PICALM: variants seen among roughly 807,000 people sequenced by gnomAD.
PICALM encodes phosphatidylinositol-binding clathrin assembly protein.
In PICALM, 40 loss-of-function variants were observed where a neutral mutation model predicts 80.5. The ratio of observed to expected loss-of-function variants is 0.50; its 90% CI spans 0.39 to 0.65. PICALM has a LOEUF of 0.65. Among genes scored for constraint, PICALM ranks in the 30% least tolerant of loss-of-function variants. The pLI, the probability that PICALM is intolerant of heterozygous loss-of-function variation, is 0.00. For missense variants in PICALM, 676 were observed against 778.9 expected (o/e 0.87, Z 1.57); for synonymous variants, 288 against 260.3 (o/e 1.11, Z -1.02).
At chr11:85,970,942 ACAAGTGTGAATAAAGAGGTTC>A (rs2094090149) in intron 19 of PICALM, among the ~76,000 whole-genome samples, 1 of 152,222 alleles carries the variant, frequency 6.6e-6, no homozygotes, top group African/African-American at 2.4e-5. Context: ...CTATTGCAAA[ACAAGTGTGAATAAAGAGGTTC>A]CAAGACTGGG....
chr11:86,037,705 A>G (rs1226405011), intron 1 of PICALM, among the ~76,000 whole-genome samples: 1 of 152,140 alleles, frequency 6.6e-6, no homozygotes, highest in Non-Finnish European at 1.5e-5. Context: ...TCTAAAAAAA[A>G]AAAGTTATGT....
At chr11:86,011,205 G>T in intron 6 of PICALM, 69 bp from the exon 7 acceptor site, 1 of 652,602 alleles carries the variant, frequency 1.5e-6, no homozygotes, top group Non-Finnish European at 2.7e-6. Flanking sequence ...GAAAAAAAAA[G>T]TAGGTAATAG....
At chr11:85,973,956 C>A (rs1830943532) in intron 19 of PICALM, among the ~76,000 whole-genome samples, 3 of 152,174 alleles carry the variant, frequency 2.0e-5, no homozygotes, top group Non-Finnish European at 2.9e-5. Context: ...CATCCTATCA[C>A]TTCACAAGAG....
At chr11:86,059,314 C>T (rs576387010) in intron 1 of PICALM, among the ~76,000 whole-genome samples, 3 of 152,244 alleles carry the variant, frequency 2.0e-5, no homozygotes, top group African/African-American at 7.2e-5. Context: ...GAAAACAATT[C>T]CTATTCTGTG....
chr11:86,056,698 G>A (rs1280877799), intron 1 of PICALM, among the ~76,000 whole-genome samples: 1 of 152,080 alleles, frequency 6.6e-6, no homozygotes, highest in Admixed American at 6.6e-5. Context: ...CTGAAAATAT[G>A]TTCACACGAA....
intron 17 of PICALM, 90 bp downstream of exon 17, chr11:85,981,039 A>G: frequency 1.4e-6 from 1 of 702,030 alleles, no homozygotes; most frequent in East Asian, 2.7e-5. Context: ...CAATCCTTCT[A>G]TTTATGTCTA....
chr11:86,026,188 A>C lies in PICALM; in HGVS notation c.349+104T>G, dbSNP rs1593067482. On this transcript the variant is annotated intron_variant, in intron 3 of 19. Coordinates refer to ENST00000393346, the MANE Select transcript of PICALM (RefSeq NM_007166.4). ...TTCCTACAACCTTCACTAAAATATA[A>C]GGTTTAAAGTAGCACATGTTCTAAA... 9.3e-6 allele frequency: 6 copies of C among 645,978 alleles called. No individual in the cohort carries two copies. The East Asian group carries it at 1.6e-4, about 18-fold the overall frequency. The allele number at this position is 645,978 out of a possible 1,614,324, so 40.0% of individuals were successfully genotyped here. A position where few individuals can be genotyped will look rare whatever the true frequency, so the allele number is the denominator to read the frequency against.
chr11:86,037,563 GT>G (rs752079070), intron 1 of PICALM, among the ~76,000 whole-genome samples: 64 of 144,478 alleles, frequency 4.4e-4, no homozygotes, highest in Admixed American at 6.2e-4. Context: ...CAGCTCCCTA[GT>G]TTTTTTTTTT....
rs143544163 is a variant in PICALM at position 86,067,499 on chromosome 11, A to C, written c.130+1152T>G. 3.3e-5 allele frequency among the ~76,000 whole-genome samples: 5 copies of C among 152,320 alleles called. No homozygotes were observed. In the East Asian group the frequency reaches 9.6e-4, roughly 29 times the overall value. On this transcript the variant is annotated intron_variant, in intron 1 of 19. Transcript: ENST00000393346. ...TATTACAGGTGACTTCCAGGTTAGA[A>C]AAAAGTTACGAGGAGTTAGCTCTAC...
At chr11:85,965,241 C>A (rs1424367897) in intron 19 of PICALM, among the ~76,000 whole-genome samples, 1 of 152,154 alleles carries the variant, frequency 6.6e-6, no homozygotes, top group Non-Finnish European at 1.5e-5. Flanking sequence ...ACCAAGAAGG[C>A]CCTTGCCAAA....
chr11:85,998,610 T>C (rs1239504437), intron 11 of PICALM, among the ~76,000 whole-genome samples: 1 of 151,620 alleles, frequency 6.6e-6, no homozygotes, highest in Non-Finnish European at 1.5e-5. Flanking sequence ...TTGGGCAAAA[T>C]GGCGAAAAAA....
At chr11:85,993,261 T>C (rs2094850319) in intron 12 of PICALM, among the ~76,000 whole-genome samples, 1 of 151,970 alleles carries the variant, frequency 6.6e-6, no homozygotes, top group Middle Eastern at 3.2e-3. Context: ...TATTTTCCGA[T>C]TTTTTTGTAG....
intron 3 of PICALM, among the ~76,000 whole-genome samples, chr11:86,024,148 C>T (rs753803076): frequency 3.3e-5 from 5 of 151,832 alleles, no homozygotes; most frequent in Non-Finnish European, 5.9e-5. Context: ...GCCTCAGCAA[C>T]AGAACCAGAT....
intron 13 of PICALM, among the ~76,000 whole-genome samples, chr11:85,988,929 C>T (rs2094674083): frequency 6.6e-6 from 1 of 152,230 alleles, no homozygotes; most frequent in South Asian, 2.1e-4. Flanking sequence ...ATCGTGTCCT[C>T]TAATGTGTGG....
chr11:86,051,733 T>A (rs1175912755), intron 1 of PICALM, among the ~76,000 whole-genome samples: 1 of 152,160 alleles, frequency 6.6e-6, no homozygotes, highest in Admixed American at 6.5e-5. Context: ...TAAATTATAT[T>A]CCTCAAAGAA....
intron 4 of PICALM, among the ~76,000 whole-genome samples, chr11:86,020,618 A>G (rs1047898689): frequency 3.3e-5 from 5 of 152,180 alleles, no homozygotes; most frequent in Admixed American, 6.5e-5. Context: ...AGGTACTAAG[A>G]CTATCCAATG....
At chr11:85,998,590 C>T (rs1419993733) in intron 11 of PICALM, among the ~76,000 whole-genome samples, 1 of 151,818 alleles carries the variant, frequency 6.6e-6, no homozygotes, top group Non-Finnish European at 1.5e-5. Context: ...TTCAAAAGTT[C>T]AAGATCAGCT....
At chr11:85,983,233 TAAG>T (rs2094494097) in intron 14 of PICALM, among the ~76,000 whole-genome samples, 1 of 152,174 alleles carries the variant, frequency 6.6e-6, no homozygotes, top group African/African-American at 2.4e-5. Flanking sequence ...CATCCGATGG[TAAG>T]AACAGAATTA....
In PICALM at chr11:86,050,225, A is replaced by AAT. The variant is rs71468977; in HGVS notation, c.130+18425_130+18426insAT. ...GTCTCAAAAAAAAAAAAAAAAAAAA[A>AAT]CTATATCAGTAAGTTGCTTAATTTC... On this transcript the variant is annotated intron_variant, in intron 1 of 19. Coordinates refer to ENST00000393346, the MANE Select transcript of PICALM (RefSeq NM_007166.4). Among the ~76,000 whole-genome samples the AAT allele has an allele frequency of 6.1e-5, 9 of 148,072 alleles. No homozygotes were observed. In the South Asian group the frequency reaches 1.7e-3, roughly 28 times the overall value.
Sources: allele counts gnomAD v4.1 joint callset (sites outside exome capture counted in the v4.1 genomes callset), GRCh38; gene constraint gnomAD v4.1.1; transcripts MANE v1.5; gene names NCBI Gene and HGNC (gene_info 2026-07-23, HGNC 2026-07-21).